The following AGAP1 variants were observed in gnomAD, a reference collection of about 807,000 sequenced individuals.
AGAP1 encodes arf-GAP with GTPase, ANK repeat and PH domain-containing protein 1.
In AGAP1, 29 loss-of-function variants were observed where a neutral mutation model predicts 105.3. The ratio of observed to expected loss-of-function variants is 0.28; its 90% confidence interval spans 0.21 to 0.38. AGAP1 has a LOEUF of 0.38. Among genes scored for constraint, AGAP1 ranks in the 10% least tolerant of loss-of-function variants. AGAP1 has a pLI of 1.00. For missense variants in AGAP1, 998 were observed against 1,165.1 expected, an observed-to-expected ratio of 0.86 and a Z score of 2.09; for synonymous variants, 509 against 485.9, an observed-to-expected ratio of 1.05 and a Z score of -0.63.
intron 10 of AGAP1, among the ~76,000 whole-genome samples, chr2:235,902,468 G>A (rs2051112341): frequency 1.3e-5 from 2 of 151,940 alleles, no homozygotes; most frequent in Non-Finnish European, 2.9e-5. Context: ...GTCATACCCC[G>A]GTCATTTCAA....
At chr2:235,836,678 A>G (rs909964716) in intron 9 of AGAP1, among the ~76,000 whole-genome samples, 5 of 152,168 alleles carry the variant, frequency 3.3e-5, no homozygotes, top group African/African-American at 1.2e-4. Flanking sequence ...AAAGTTAACC[A>G]GTTTAAGTGG....
In AGAP1 at chr2:235,692,241, G is replaced by A. The variant is rs955128992; in HGVS notation, c.164-16938G>A. 6.6e-5 allele frequency among the ~76,000 whole-genome samples: 10 copies of A among 152,200 alleles called. No individual in the cohort carries two copies. The highest frequency in any genetic ancestry group is 2.2e-4 in the African/African-American group (9 of 41,520). ...TGGTGACAGCCATGTAGATATGCCCGCTGCCTTGCACCTGTTCCTCTGGCC... is the reference window on the plus strand; with the variant it reads ...TGGTGACAGCCATGTAGATATGCCCACTGCCTTGCACCTGTTCCTCTGGCC... On this transcript the variant is annotated intron_variant, in intron 1 of 17. Transcript: ENST00000304032. This position sits in a 1 kb window ranked among gnomAD's most constrained non-coding sequence, Gnocchi z 5.8.
At chr2:236,043,024 G>C (rs2057601287) in intron 15 of AGAP1, among the ~76,000 whole-genome samples, 1 of 152,210 alleles carries the variant, frequency 6.6e-6, no homozygotes, top group Admixed American at 6.5e-5. Context: ...AAGTCCCAAA[G>C]CAGGATTCAA....
chr2:235,624,877 A>G (rs2149276430), intron 1 of AGAP1, among the ~76,000 whole-genome samples: 1 of 152,172 alleles, frequency 6.6e-6, no homozygotes, highest in Admixed American at 6.5e-5. Flanking sequence ...TTCAATTTAA[A>G]GGAGTATGCC....
rs527390781 is a variant in AGAP1 at position 235,828,498 on chromosome 2, T to C, written c.1050+21167T>C. Among the ~76,000 whole-genome samples, 214 of 152,316 alleles carry C rather than the reference T, an allele frequency of 1.4e-3. 1 individual carries two copies. The highest frequency in any genetic ancestry group is 5.1e-3 in the African/African-American group (210 of 41,572). On this transcript the variant is annotated intron_variant, in intron 9 of 17. Coordinates refer to ENST00000304032, the MANE Select transcript of AGAP1 (RefSeq NM_001037131.3). ...GGTAAACTAACACTTATGCATTGTA[T>C]GGAACTGCCCACGAGTCACGTTTGT...
chr2:235,759,457 C>T (rs970722037), intron 6 of AGAP1, among the ~76,000 whole-genome samples: 4 of 152,222 alleles, frequency 2.6e-5, no homozygotes, highest in African/African-American at 4.8e-5. Flanking sequence ...GCGTGAGCCA[C>T]CGCGCCCGGC....
At chr2:235,833,424 A>G (rs1162550197) in intron 9 of AGAP1, among the ~76,000 whole-genome samples, 1 of 152,178 alleles carries the variant, frequency 6.6e-6, no homozygotes, top group Non-Finnish European at 1.5e-5. Flanking sequence ...CTCCAGGATG[A>G]AAGTGGTTAT....
chr2:236,075,981 C>T (rs1302644952), intron 16 of AGAP1, among the ~76,000 whole-genome samples: 3 of 152,190 alleles, frequency 2.0e-5, no homozygotes, highest in Non-Finnish European at 4.4e-5. Context: ...GCGTGGGTCA[C>T]CCAGGCGGAG....
At chr2:235,697,189 G>C (rs1367303669) in intron 1 of AGAP1, among the ~76,000 whole-genome samples, 1 of 152,180 alleles carries the variant, frequency 6.6e-6, no homozygotes, top group Non-Finnish European at 1.5e-5. Context: ...AGAGCTGGAA[G>C]AACCGGAGGC....
chr2:236,102,963 C>T (rs984115187), intron 16 of AGAP1, among the ~76,000 whole-genome samples: 2 of 151,962 alleles, frequency 1.3e-5, no homozygotes, highest in Non-Finnish European at 2.9e-5. Flanking sequence ...GCCCCCGCCC[C>T]ACCTCTTGGC....
chr2:235,945,891 CGGT>C (rs1310500631), intron 12 of AGAP1, among the ~76,000 whole-genome samples: 2 of 28,384 alleles, frequency 7.0e-5, no homozygotes, highest in Non-Finnish European at 6.8e-5. Flanking sequence ...ACATGGCTGG[CGGT>C]GGTGGTGGGG....
At chr2:235,594,306 T>C (rs886298096) in intron 1 of AGAP1, among the ~76,000 whole-genome samples, 2 of 151,806 alleles carry the variant, frequency 1.3e-5, no homozygotes, top group Admixed American at 6.6e-5. Flanking sequence ...TTTTTTCATA[T>C]TTAAATATTA....
intron 1 of AGAP1, among the ~76,000 whole-genome samples, chr2:235,606,544 T>A (rs13391168): frequency 0.024 from 3,635 of 152,278 alleles, 133 homozygotes; most frequent in African/African-American, 0.084. Context: ...AGAATGAATC[T>A]TGCATGTCAC....
rs1334939719 is a variant in AGAP1, at chr2:235,535,867, A to G, written c.163+41018A>G. ...AGACACACATTAGGAGTCCACGCGC[A>G]GGTAGCCTGGCCTTTGAAGCTCTCC... On this transcript the variant is annotated intron_variant, in intron 1 of 17. Coordinates refer to ENST00000304032, the MANE Select transcript of AGAP1 (RefSeq NM_001037131.3). The surrounding 1 kb of genome is among the most constrained non-coding windows in gnomAD (Gnocchi z 5.1). 6.6e-6 allele frequency among the ~76,000 whole-genome samples: 1 copy of G among 152,034 alleles called. No homozygotes were observed. The highest frequency in any genetic ancestry group is 1.5e-5 in the Non-Finnish European group (1 of 68,012).
chr2:235,606,028 A>G (rs1945923661), intron 1 of AGAP1, among the ~76,000 whole-genome samples: 1 of 152,228 alleles, frequency 6.6e-6, no homozygotes, highest in Non-Finnish European at 1.5e-5. Context: ...TGTGTTTTAT[A>G]AGGAAAACAA....
chr2:235,815,052 G>A (rs371889427), intron 9 of AGAP1, among the ~76,000 whole-genome samples: 2 of 152,028 alleles, frequency 1.3e-5, no homozygotes, highest in Non-Finnish European at 2.9e-5. Flanking sequence ...CCACTTTTCC[G>A]AGTGCCCTGT....
intron 10 of AGAP1, among the ~76,000 whole-genome samples, chr2:235,898,481 C>T (rs866738882): frequency 9.3e-6 from 1 of 107,468 alleles, no homozygotes; most frequent in Non-Finnish European, 2.0e-5. Flanking sequence ...TTCCCCCCCC[C>T]ACCCCCACCC....
chr2:236,109,942 G>A lies in AGAP1; in HGVS notation c.2115-10250G>A, dbSNP rs1001504880. ...TAAGATGGCCAAAGGGAGAGCATGA[G>A]AAAATGATGCTGTGGATCCACCTAG... is the stretch of plus-strand genomic sequence containing the variant. On this transcript the variant is annotated intron_variant, in intron 16 of 17. Transcript: ENST00000304032. The surrounding 1 kb of genome is among the most constrained non-coding windows in gnomAD (Gnocchi z 5.4). Among the ~76,000 whole-genome samples, 2 of 152,200 alleles carry A rather than the reference G, an allele frequency of 1.3e-5. No individual in the cohort carries two copies. Among genetic ancestry groups the A allele is most frequent in the African/African-American group, 2.4e-5 (1 of 41,450 alleles).
chr2:235,925,345 C>G (rs1397079779), intron 11 of AGAP1, among the ~76,000 whole-genome samples: 1 of 152,056 alleles, frequency 6.6e-6, no homozygotes, highest in East Asian at 1.9e-4. Flanking sequence ...TCTAAACGAC[C>G]CCAGCTTCAT....
Sources: gnomAD v4.1 joint callset for allele counts (sites outside exome capture counted in the v4.1 genomes callset) on GRCh38, gnomAD v4.1.1 for gene constraint, Gnocchi (gnomAD v3.1) non-coding constraint, MANE v1.5 for transcripts, NCBI Gene and HGNC (gene_info 2026-07-23, HGNC 2026-07-21) for gene names.